Variants in ZNF624 observed in about 807,000 individuals in gnomAD.
ZNF624 encodes the protein zinc finger protein 624.
Under a neutral mutation model 74.7 loss-of-function variants are expected in ZNF624, and 43 were observed. The ratio of observed to expected loss-of-function variants is 0.58; its 90% CI spans 0.45 to 0.74. ZNF624 has a LOEUF of 0.74. Among genes scored for constraint, ZNF624 ranks in the 30% least tolerant of loss-of-function variants. ZNF624 has a pLI of 0.00. For synonymous variants in ZNF624, 331 were observed against 341.3 expected (o/e 0.97, Z 0.33); for missense variants, 820 against 1,030.0 (o/e 0.80, Z 2.79).
At chr17:16,636,123 T>G (rs1446426667) in intron 3 of ZNF624, among the ~76,000 whole-genome samples, 1 of 152,166 alleles carries the variant, frequency 6.6e-6, no homozygotes, top group Non-Finnish European at 1.5e-5. Context: ...ATATGACAAT[T>G]TGAGCATCAA....
chr17:16,623,874 C>T lies in ZNF624; in HGVS notation c.1012G>A (p.Gly338Arg). 1.2e-6 allele frequency: 2 copies of T among 1,613,886 alleles called. No homozygotes were observed. The highest frequency in any genetic ancestry group is 1.7e-6 in the Non-Finnish European group (2 of 1,179,972). ...GEKPYKCNEC[G>R]KAFIASSSLM... ...GATGAAGAAGCAATGAAGGCCTTTC[C>T]ACATTCATTACATTTATAGGGTTTT... The change falls in exon 6 of 6, where the codon GGA becomes AGA. Residue 338 changes from glycine to arginine, a missense_variant. Physicochemically the swap from Gly to Arg is moderately radical, Grantham distance 125 (BLOSUM62 -2). Transcript: ENST00000311331. The surrounding 1 kb of genome is among the most constrained non-coding windows in gnomAD (Gnocchi z 5.3).
intron 5 of ZNF624, among the ~76,000 whole-genome samples, chr17:16,627,290 A>G (rs1909096481): frequency 6.6e-6 from 1 of 152,206 alleles, no homozygotes; most frequent in Non-Finnish European, 1.5e-5. Context: ...AACTTAATTT[A>G]TATGCACTAA....
Position 16,624,038 on chromosome 17 carries a change from T to C in ZNF624, c.848A>G (p.Lys283Arg). ...GAGCAATGATCTATAATGAAAGGCCTTTTCGCATGTACTACATTTGTAGGG... is the reference window on the plus strand; with the variant it reads ...GAGCAATGATCTATAATGAAAGGCCCTTTCGCATGTACTACATTTGTAGGG... ...EKPYKCSTCEKAFHYRSLLIQ... is the reference protein window; with the variant it reads ...EKPYKCSTCERAFHYRSLLIQ... The change falls in exon 6 of 6, where the codon AAG becomes AGG. Residue 283 changes from lysine (K) to arginine (R), a missense_variant. By Grantham distance (26) the Lys-to-Arg change is conservative. Coordinates refer to ENST00000311331, the MANE Select transcript of ZNF624 (RefSeq NM_020787.4). 6.2e-7 allele frequency: 1 copy of C among 1,613,720 alleles called. No homozygotes were observed. Among genetic ancestry groups the C allele is most frequent in the Non-Finnish European group, 8.5e-7 (1 of 1,179,948 alleles).
chr17:16,625,034 CAAAA>C (rs71152822), intron 5 of ZNF624, among the ~76,000 whole-genome samples: 2 of 103,554 alleles, frequency 1.9e-5, no homozygotes, highest in African/African-American at 6.1e-5. Context: ...ACGACTGTCT[CAAAA>C]AAAAAAAAAA....
intron 3 of ZNF624, among the ~76,000 whole-genome samples, chr17:16,646,356 A>G (rs1398914023): frequency 1.3e-5 from 2 of 152,250 alleles, no homozygotes; most frequent in African/African-American, 4.8e-5. Context: ...ACTGAATCTC[A>G]GAATGTATTT....
downstream of ZNF624, among the ~76,000 whole-genome samples, chr17:16,618,742 T>G (rs770150850): frequency 4.6e-5 from 7 of 151,862 alleles, no homozygotes; most frequent in Non-Finnish European, 1.0e-4. Flanking sequence ...TTGATGATGA[T>G]CCACTTCTAC....
chr17:16,617,924 G>T, downstream of ZNF624: 1 of 1,297,344 alleles, frequency 7.7e-7, no homozygotes, highest in South Asian at 1.3e-5. Context: ...GTGGAACGGC[G>T]GACCGCAAGC....
chr17:16,616,333 G>A (rs1245581263), downstream of ZNF624, among the ~76,000 whole-genome samples: 1 of 151,852 alleles, frequency 6.6e-6, no homozygotes, highest in Non-Finnish European at 1.5e-5. Context: ...ACATTTAAAG[G>A]AATTTAATAG....
intron 1 of ZNF624, among the ~76,000 whole-genome samples, chr17:16,650,380 A>G (rs1477497216): frequency 1.3e-5 from 2 of 151,528 alleles, no homozygotes; most frequent in Non-Finnish European, 2.9e-5. Context: ...TCCTTTCTAT[A>G]TCAGGCAAAC....
In ZNF624 at chr17:16,624,016, C is replaced by A; in HGVS notation, c.870G>T (p.Leu290Phe). The A allele has an allele frequency of 6.2e-7, 1 of 1,613,582 alleles. No individual in the cohort carries two copies. Among genetic ancestry groups the A allele is most frequent in the Non-Finnish European group, 8.5e-7 (1 of 1,179,936 alleles). Residue 290 changes from leucine to phenylalanine, a missense_variant, in exon 6 of 6, where the codon TTG becomes TTT. Physicochemically the swap from Leu to Phe is conservative, Grantham distance 22. Transcript: ENST00000311331. ...TCEKAFHYRS[L>F]LIQHQRTHTK... is the part of the protein sequence containing the mutation. ...TATGAGTTCTTTGATGTTGAATGAG[C>A]AATGATCTATAATGAAAGGCCTTTT...
chr17:16,648,114 CTT>C (rs879396420), intron 2 of ZNF624, among the ~76,000 whole-genome samples: 8 of 145,856 alleles, frequency 5.5e-5, no homozygotes, highest in African/African-American at 2.0e-4. Context: ...TTTTTGTACT[CTT>C]TTTTTTTTGT....
intron 3 of ZNF624, among the ~76,000 whole-genome samples, chr17:16,636,409 T>C (rs1274564233): frequency 6.6e-6 from 1 of 152,174 alleles, no homozygotes; most frequent in Non-Finnish European, 1.5e-5. Context: ...AACATCACAA[T>C]TTGCAACTAC....
At chr17:16,626,772 G>A (rs1230451574) in intron 5 of ZNF624, among the ~76,000 whole-genome samples, 1 of 151,824 alleles carries the variant, frequency 6.6e-6, no homozygotes, top group African/African-American at 2.4e-5. Flanking sequence ...ATAAATAAAT[G>A]AAGGCCGGGC....
At chr17:16,632,472 C>T (rs767191884) in intron 5 of ZNF624, among the ~76,000 whole-genome samples, 22 of 152,050 alleles carry the variant, frequency 1.4e-4, no homozygotes, top group African/African-American at 1.2e-4. Context: ...TTTCCCTCTT[C>T]GTAGGGGAAA....
intron 2 of ZNF624, 38 bp downstream of exon 2, chr17:16,649,620 C>T: frequency 6.3e-7 from 1 of 1,590,048 alleles, no homozygotes; most frequent in Non-Finnish European, 8.6e-7. Flanking sequence ...TGCTCTCAAA[C>T]CAAGATAGTA....
rs781131904 is a variant in ZNF624, at chr17:16,623,606, T to C, written c.1280A>G (p.Asn427Ser). The C allele has an allele frequency of 1.9e-6, 3 of 1,612,042 alleles. No homozygotes were observed. Among genetic ancestry groups the C allele is most frequent in the Admixed American group, 1.7e-5 (1 of 59,556 alleles). Reference protein sequence around the residue: ...KCDDCGKAFRNKSYLSVHQKT... With the variant: ...KCDDCGKAFRSKSYLSVHQKT... ...CTGATGTACACTAAGATATGACTTG[T>C]TCCTAAAGGCTTTCCCACAATCATC... The change falls in exon 6 of 6, where the codon AAC becomes AGC. Residue 427 changes from asparagine to serine, a missense_variant. Transcript: ENST00000311331. This position sits in a 1 kb window ranked among gnomAD's most constrained non-coding sequence, Gnocchi z 5.3.
At position 16,647,900 on chromosome 17, in the gene ZNF624, A is replaced by G. The variant is rs1049376025; in HGVS notation, c.88-506T>C. Among the ~76,000 whole-genome samples the G allele has an allele frequency of 3.9e-5, 6 of 151,966 alleles. No individual in the cohort carries two copies. In the East Asian group the frequency reaches 9.6e-4, roughly 24 times the overall value. ...TCCAAAACTTAGAAACTGTATCTCCATGAGGGCCTTATTTATTTATTTATT... is the reference window on the plus strand; with the variant it reads ...TCCAAAACTTAGAAACTGTATCTCCGTGAGGGCCTTATTTATTTATTTATT... On this transcript the variant is annotated intron_variant, in intron 2 of 5. Transcript: ENST00000311331.
chr17:16,633,604 A>G (rs556931484), intron 5 of ZNF624, among the ~76,000 whole-genome samples: 5 of 152,212 alleles, frequency 3.3e-5, no homozygotes, highest in Non-Finnish European at 7.3e-5. Flanking sequence ...TGAATGAAGA[A>G]GAAATAAAAT....
intron 5 of ZNF624, among the ~76,000 whole-genome samples, chr17:16,626,269 C>A (rs1291946576): frequency 6.6e-6 from 1 of 152,044 alleles, no homozygotes; most frequent in Non-Finnish European, 1.5e-5. Context: ...GATTTTAAAA[C>A]CCACTTTTAA....
Sources: gnomAD v4.1 joint callset for allele counts (sites outside exome capture counted in the v4.1 genomes callset) on GRCh38, gnomAD v4.1.1 for gene constraint, Gnocchi (gnomAD v3.1) non-coding constraint, MANE v1.5 for transcripts, NCBI Gene and HGNC (gene_info 2026-07-23, HGNC 2026-07-21) for gene names.